The following MAP4K5 variants were observed in gnomAD, a reference collection of about 807,000 sequenced individuals.
MAP4K5 encodes the protein MAPK/ERK kinase kinase kinase 5.
MAP4K5 carries 82 observed loss-of-function variants against 135.6 expected under a neutral mutation model. That is an observed-to-expected ratio of 0.60 (90% CI 0.51 to 0.73). The LOEUF (loss-of-function observed/expected upper bound fraction) is 0.73. Ranked by LOEUF, MAP4K5 falls within the 30% of genes least tolerant of loss-of-function variation. The pLI, the probability that MAP4K5 is intolerant of heterozygous loss-of-function variation, is 0.00. For missense variants in MAP4K5, 907 were observed against 1,010.9 expected (o/e 0.90, Z 1.39); for synonymous variants, 347 against 335.0 (o/e 1.04, Z -0.39).
At chr14:50,550,354 C>T (rs1340581053) in intron 1 of MAP4K5, among the ~76,000 whole-genome samples, 2 of 152,142 alleles carry the variant, frequency 1.3e-5, no homozygotes, top group African/African-American at 4.8e-5. Flanking sequence ...CATGAGGGTC[C>T]CTACTGAACA....
At chr14:50,481,264 T>C (rs998413042) in intron 6 of MAP4K5, among the ~76,000 whole-genome samples, 1 of 150,584 alleles carries the variant, frequency 6.6e-6, no homozygotes, top group African/African-American at 2.4e-5. Flanking sequence ...TACACACACA[T>C]ACGTACATAC....
chr14:50,521,857 C>T (rs574089721), intron 2 of MAP4K5, among the ~76,000 whole-genome samples: 4 of 152,268 alleles, frequency 2.6e-5, no homozygotes, highest in South Asian at 4.1e-4. Flanking sequence ...TAGTACTTCA[C>T]GTCACTGGAA....
chr14:50,553,426 G>C (rs2038727179), intron 1 of MAP4K5, among the ~76,000 whole-genome samples: 1 of 151,518 alleles, frequency 6.6e-6, no homozygotes, highest in Non-Finnish European at 1.5e-5. Flanking sequence ...TGCAGGAATG[G>C]CCATAATTTA....
intron 2 of MAP4K5, among the ~76,000 whole-genome samples, chr14:50,518,614 C>T (rs1387849986): frequency 6.6e-6 from 1 of 152,194 alleles, no homozygotes; most frequent in Admixed American, 6.5e-5. Flanking sequence ...TTTCCCCACT[C>T]CCAGGCAGAC....
chr14:50,479,130 T>C (rs2037176829), intron 6 of MAP4K5, among the ~76,000 whole-genome samples: 2 of 151,884 alleles, frequency 1.3e-5, no homozygotes, highest in African/African-American at 2.4e-5. Context: ...CCTTTTCAGT[T>C]TGTCTCCCTT....
chr14:50,452,679 T>C (rs2036516963), intron 14 of MAP4K5, among the ~76,000 whole-genome samples: 1 of 152,200 alleles, frequency 6.6e-6, no homozygotes. Flanking sequence ...TAATAACTAA[T>C]GCAACAGTAA....
intron 13 of MAP4K5, 44 bp from the exon 14 acceptor site, chr14:50,456,638 G>T: frequency 2.4e-6 from 3 of 1,270,928 alleles, no homozygotes; most frequent in Non-Finnish European, 2.2e-6. Flanking sequence ...AAATTTCAAT[G>T]AGAAAGTTAA....
chr14:50,451,599 G>A (rs1332681718), intron 14 of MAP4K5, among the ~76,000 whole-genome samples: 1 of 151,564 alleles, frequency 6.6e-6, no homozygotes, highest in East Asian at 1.9e-4. Context: ...TTGATGTCAT[G>A]AATTGGGTTA....
In MAP4K5 at chr14:50,483,947, G is replaced by A. The variant is rs575599407; in HGVS notation, c.323-1531C>T. ...GTGATCTTGGTTCACTGCAACCACC[G>A]CCTCCTGGGTGCAAGTGATTCTCCT... On this transcript the variant is annotated intron_variant, in intron 5 of 32. Transcript: ENST00000682126. Among the ~76,000 whole-genome samples the A allele has an allele frequency of 1.5e-4, 23 of 151,854 alleles. No individual in the cohort carries two copies. In the South Asian group the frequency reaches 3.9e-3, roughly 26 times the overall value.
At chr14:50,543,633 A>G (rs1008544495) in intron 1 of MAP4K5, among the ~76,000 whole-genome samples, 8 of 152,326 alleles carry the variant, frequency 5.3e-5, no homozygotes, top group South Asian at 2.1e-4. Context: ...AGAAGGATCA[A>G]TCGTGGTGCT....
chr14:50,511,445 G>A (rs2037927900), intron 2 of MAP4K5, among the ~76,000 whole-genome samples: 1 of 152,104 alleles, frequency 6.6e-6, no homozygotes, highest in African/African-American at 2.4e-5. Context: ...ATTTGTTAAA[G>A]TATACAAAAC....
chr14:50,527,119 T>C (rs1372915583), intron 2 of MAP4K5, among the ~76,000 whole-genome samples: 1 of 152,164 alleles, frequency 6.6e-6, no homozygotes, highest in Admixed American at 6.5e-5. Context: ...GGTGGGCAGA[T>C]CACGAGGTCA....
chr14:50,529,085 T>C (rs2038329030), intron 2 of MAP4K5, among the ~76,000 whole-genome samples: 1 of 152,118 alleles, frequency 6.6e-6, no homozygotes, highest in African/African-American at 2.4e-5. Context: ...CAGGGTATCA[T>C]TAGACAGCAT....
intron 2 of MAP4K5, among the ~76,000 whole-genome samples, chr14:50,507,253 G>T (rs927990916): frequency 6.6e-6 from 1 of 152,136 alleles, no homozygotes; most frequent in Non-Finnish European, 1.5e-5. Flanking sequence ...TGCTGCCAGG[G>T]GTGAGTCAAG....
chr14:50,424,168 T>TA (rs201625500), intron 31 of MAP4K5, among the ~76,000 whole-genome samples: 17,795 of 140,446 alleles, frequency 0.13, 1,139 homozygotes, highest in Admixed American at 0.18. Context: ...TAAAGTAAGT[T>TA]AAAAAAAAAA....
chr14:50,469,797 C>T (rs1047831100), intron 9 of MAP4K5, among the ~76,000 whole-genome samples: 1 of 152,170 alleles, frequency 6.6e-6, no homozygotes, highest in African/African-American at 2.4e-5. Flanking sequence ...ATAGATGATA[C>T]TGTTCAGGGG....
intron 5 of MAP4K5, among the ~76,000 whole-genome samples, chr14:50,483,993 T>C (rs993778266): frequency 1.3e-5 from 2 of 152,064 alleles, no homozygotes; most frequent in African/African-American, 2.4e-5. Context: ...CCCAAGTAGC[T>C]GGGATTACAG....
chr14:50,559,067 T>A lies in MAP4K5; in HGVS notation c.-180+1973A>T, dbSNP rs111836604. 3.0e-4 allele frequency: 45 copies of A among 152,356 alleles called. 2 individuals are homozygous for A. Among genetic ancestry groups the A allele is most frequent in the Admixed American group, 2.4e-3 (36 of 15,310 alleles). The allele number at this position is 152,356 out of a possible 1,614,324, so 9.4% of individuals were successfully genotyped here. The stretch of plus-strand genomic sequence containing the variant: ...AGTTATAAACACACCTCTGGTATAA[T>A]GTCCTCTCTTCTAGAGGGCAGAAGA... On this transcript the variant is annotated intron_variant, in intron 1 of 8. Coordinates refer to the MAP4K5 transcript ENST00000555216.
rs564622077 is a variant in MAP4K5 at position 50,434,586 on chromosome 14, A to C, written c.1987-15T>G. Reference sequence around the variant, plus strand: ...AAATCAAAGTGCTGCAAAAAAAATAAACAATAGAGCCATAATTCAGAAACA... The same window carrying C: ...AAATCAAAGTGCTGCAAAAAAAATACACAATAGAGCCATAATTCAGAAACA... On this transcript the variant is annotated splice_polypyrimidine_tract_variant and intron_variant, in intron 27 of 32. Coordinates refer to ENST00000682126, the MANE Select transcript of MAP4K5 (RefSeq NM_006575.6). 5.8e-6 allele frequency: 9 copies of C among 1,563,578 alleles called. No individual in the cohort carries two copies. The Admixed American group carries it at 7.7e-5, about 13-fold the overall frequency.
Sources: gnomAD v4.1 joint callset for allele counts (sites outside exome capture counted in the v4.1 genomes callset) on GRCh38, gnomAD v4.1.1 for gene constraint, MANE v1.5 for transcripts, NCBI Gene and HGNC (gene_info 2026-07-23, HGNC 2026-07-21) for gene names.